UROS: variants seen among roughly 807,000 people sequenced by gnomAD.
UROS encodes the protein uroporphyrinogen-III synthase.
Under a neutral mutation model 33.0 loss-of-function variants are expected in UROS, and 18 were observed. The observed-to-expected ratio is 0.55, with a 90% confidence interval of 0.38 to 0.81. The LOEUF is 0.81. Among genes scored for constraint, UROS ranks in the 30% least tolerant of loss-of-function variants. The pLI, the probability that UROS is intolerant of heterozygous loss-of-function variation, is 0.00. For missense variants in UROS, 293 were observed against 314.9 expected (o/e 0.93, Z 0.53); for synonymous variants, 114 against 121.1 (o/e 0.94, Z 0.38).
intron 7 of UROS, 94 bp downstream of exon 7, chr10:125,797,971 G>GT: frequency 7.0e-7 from 1 of 1,435,660 alleles, no homozygotes. Flanking sequence ...GCTCTCCCTT[G>GT]TGTGCTCTCT....
At chr10:125,811,777 G>C (rs1490234635) in intron 5 of UROS, among the ~76,000 whole-genome samples, 1 of 146,994 alleles carries the variant, frequency 6.8e-6, no homozygotes, top group African/African-American at 2.5e-5. Flanking sequence ...ACTCAAGACT[G>C]GAAAAATGCA....
intron 1 of UROS, among the ~76,000 whole-genome samples, chr10:125,822,750 G>A (rs1374754677): frequency 6.6e-6 from 1 of 152,170 alleles, no homozygotes; most frequent in Non-Finnish European, 1.5e-5. Flanking sequence ...GAGACACCGG[G>A]CCCGGCCCCC....
Position 125,802,976 on chromosome 10 carries a change from C to T in UROS, c.394+4437G>A, listed in dbSNP as rs750899788. 3.3e-5 allele frequency: 54 copies of T among 1,612,736 alleles called. 1 individual carries two copies. Among genetic ancestry groups the T allele is most frequent in the South Asian group, 3.3e-5 (3 of 91,078 alleles). ...CCAATGATTCATCAGCATAAGGGCA[C>T]GTCCAAACCCACTTTCTTCACTTCA... On this transcript the variant is annotated intron_variant, in intron 6 of 9. Transcript: ENST00000368797.
At chr10:125,794,688 T>C (rs549864950) in intron 9 of UROS, among the ~76,000 whole-genome samples, 192 bp downstream of exon 9, 44 of 151,608 alleles carry the variant, frequency 2.9e-4, no homozygotes, top group Non-Finnish European at 4.9e-4. Flanking sequence ...ATGCTGCAAG[T>C]GAGGAAACGG....
At chr10:125,791,200 T>C (rs887693375) in intron 9 of UROS, among the ~76,000 whole-genome samples, 2 of 152,094 alleles carry the variant, frequency 1.3e-5, no homozygotes, top group Non-Finnish European at 2.9e-5. Flanking sequence ...AGATATCTCT[T>C]TAAAGAAGAT....
chr10:125,788,100 G>A (rs1850683649), downstream of UROS, among the ~76,000 whole-genome samples: 1 of 152,210 alleles, frequency 6.6e-6, no homozygotes, highest in African/African-American at 2.4e-5. Context: ...GGAGACAGAG[G>A]TGTGTGGGCA....
intron 5 of UROS, among the ~76,000 whole-genome samples, chr10:125,811,583 A>G (rs1852812921): frequency 6.6e-6 from 1 of 152,158 alleles, no homozygotes. Flanking sequence ...TTCTTAAACT[A>G]TTTTCACTCA....
rs121908020 is a variant in UROS at position 125,788,993 on chromosome 10, C to T, written c.673G>A (p.Gly225Ser). ...GCCAGCGCGCGAGCCGTAGTGGGGC[C>T]GATGGCTGCAAACTATAAAGACAGA... is the stretch of plus-strand genomic sequence containing the variant. ...NIDQIKFAAI[G>S]PTTARALAAQ... Residue 225 changes from glycine to serine, a missense_variant, in exon 10 of 10, where the codon GGC becomes AGC. Gly to Ser is a moderately conservative substitution (Grantham distance 56). Transcript: ENST00000368797. 130 of 1,612,916 alleles carry T rather than the reference C, an allele frequency of 8.1e-5. No homozygotes were observed. The highest frequency in any genetic ancestry group is 9.6e-5 in the Non-Finnish European group (113 of 1,179,972).
At chr10:125,802,674 GA>G in intron 6 of UROS, 1 of 1,245,108 alleles carries the variant, frequency 8.0e-7, no homozygotes, top group African/African-American at 1.5e-5. Flanking sequence ...TTTTTAGCTT[GA>G]AAATGTCTCA....
intron 6 of UROS, among the ~76,000 whole-genome samples, chr10:125,800,757 C>T (rs909101861): frequency 6.6e-6 from 1 of 152,010 alleles, no homozygotes; most frequent in Non-Finnish European, 1.5e-5. Context: ...GATGGGGTTT[C>T]ACCATGTTGG....
chr10:125,791,091 CAAA>C (rs146112441), intron 9 of UROS, among the ~76,000 whole-genome samples: 46 of 130,880 alleles, frequency 3.5e-4, no homozygotes, highest in South Asian at 4.9e-4. Flanking sequence ...GACACCATCT[CAAA>C]AAAAAAAAAA....
chr10:125,803,036 G>C, intron 6 of UROS: 1 of 1,612,934 alleles, frequency 6.2e-7, no homozygotes, highest in Non-Finnish European at 8.5e-7. Flanking sequence ...TGAGGGAAGA[G>C]AAATGAGCAT....
downstream of UROS, among the ~76,000 whole-genome samples, chr10:125,787,322 C>T (rs1341212700): frequency 5.3e-5 from 8 of 151,914 alleles, no homozygotes; most frequent in Admixed American, 3.3e-4. Context: ...ACATCCCTCC[C>T]GCTCTTGTCT....
chr10:125,807,035 C>G (rs942595918), intron 6 of UROS: 2 of 236,586 alleles, frequency 8.5e-6, no homozygotes, highest in African/African-American at 2.3e-5. Context: ...AGAGGGAATT[C>G]AGAGACAGAA....
chr10:125,787,230 A>ACGGG (rs1484799629), downstream of UROS, among the ~76,000 whole-genome samples: 1 of 152,174 alleles, frequency 6.6e-6, no homozygotes, highest in African/African-American at 2.4e-5. Context: ...CCCTACCCCG[A>ACGGG]GGCTCTGAAA....
At chr10:125,820,446 C>A (rs1853772667) in intron 1 of UROS, among the ~76,000 whole-genome samples, 2 of 152,226 alleles carry the variant, frequency 1.3e-5, no homozygotes, top group Admixed American at 1.3e-4. Context: ...CCTCAACAGA[C>A]TGGATGCTGC....
intron 9 of UROS, chr10:125,789,356 C>A: frequency 1.6e-6 from 2 of 1,221,452 alleles, no homozygotes; most frequent in Non-Finnish European, 2.1e-6. Context: ...GTGTTGGGGG[C>A]CCTGGGTCTG....
intron 6 of UROS, chr10:125,802,986 C>A: frequency 6.2e-7 from 1 of 1,612,916 alleles, no homozygotes; most frequent in Non-Finnish European, 8.5e-7. Flanking sequence ...CGTCCAAACC[C>A]ACTTTCTTCA....
chr10:125,798,598 A>G (rs1173810696), intron 6 of UROS, among the ~76,000 whole-genome samples: 1 of 152,248 alleles, frequency 6.6e-6, no homozygotes, highest in Non-Finnish European at 1.5e-5. Context: ...GGCAGCCGGT[A>G]ACCGGCAGCC....
Sources: allele counts gnomAD v4.1 joint callset (sites outside exome capture counted in the v4.1 genomes callset), GRCh38; gene constraint gnomAD v4.1.1; transcripts MANE v1.5; gene names NCBI Gene and HGNC (gene_info 2026-07-23, HGNC 2026-07-21).